The following NFIB variants were observed in gnomAD, a reference collection of about 807,000 sequenced individuals.
NFIB encodes the protein nuclear factor I B.
NFIB carries 11 observed loss-of-function variants against 61.5 expected under a neutral mutation model. The ratio of observed to expected loss-of-function variants is 0.18; its 90% CI spans 0.11 to 0.30. The LOEUF (loss-of-function observed/expected upper bound fraction) is 0.30. Among genes scored for constraint, NFIB ranks in the 10% least tolerant of loss-of-function variants. The pLI is 1.00. For missense variants in NFIB, 471 were observed against 608.9 expected, an observed-to-expected ratio of 0.77 and a Z score of 2.38; for synonymous variants, 260 against 216.5, an observed-to-expected ratio of 1.20 and a Z score of -1.76.
chr9:14,526,527 C>T, the NFIB span, among the ~76,000 whole-genome samples: 1 of 152,150 alleles, frequency 6.6e-6, no homozygotes, highest in Non-Finnish European at 1.5e-5. Context: ...CACTGAATAT[C>T]AATATCCTGA....
intron 10 of NFIB, among the ~76,000 whole-genome samples, chr9:14,088,885 T>G (rs922420173): frequency 6.6e-6 from 1 of 152,276 alleles, no homozygotes; most frequent in African/African-American, 2.4e-5. Context: ...GGTAGGCCCA[T>G]GCATAACATA....
chr9:14,169,968 C>T (rs1336445056), intron 3 of NFIB, among the ~76,000 whole-genome samples: 1 of 152,170 alleles, frequency 6.6e-6, no homozygotes, highest in African/African-American at 2.4e-5. Context: ...ATCCTTTAAT[C>T]CTATAAGGTA....
At chr9:14,124,185 T>C (rs1017132260) in intron 7 of NFIB, among the ~76,000 whole-genome samples, 2 of 152,190 alleles carry the variant, frequency 1.3e-5, no homozygotes, top group African/African-American at 2.4e-5. Context: ...TCCTGTTTCG[T>C]TATATAAAAA....
intron 2 of NFIB, among the ~76,000 whole-genome samples, chr9:14,202,128 T>TCACACACA (rs3080833): frequency 0.015 from 2,156 of 147,134 alleles, 26 homozygotes; most frequent in African/African-American, 0.03. Flanking sequence ...TTGATACTTT[T>TCACACACA]CACACACACA....
intron 3 of NFIB, among the ~76,000 whole-genome samples, chr9:14,161,815 A>T (rs2131279148): frequency 6.6e-6 from 1 of 152,286 alleles, no homozygotes; most frequent in East Asian, 1.9e-4. Flanking sequence ...TTACAGGGTC[A>T]AAGGACATAA....
the NFIB span, among the ~76,000 whole-genome samples, chr9:14,528,748 G>A: frequency 1.3e-5 from 2 of 152,122 alleles, no homozygotes; most frequent in East Asian, 3.9e-4. Context: ...GTCTCACAGA[G>A]AGCTTTAAAT....
chr9:14,435,520 G>T, the NFIB span, among the ~76,000 whole-genome samples: 1 of 152,150 alleles, frequency 6.6e-6, no homozygotes, highest in Non-Finnish European at 1.5e-5. Context: ...TACTTCATAG[G>T]ATTATTATGA....
chr9:14,297,918 A>C (rs1299742640), intron 2 of NFIB, among the ~76,000 whole-genome samples: 1 of 152,234 alleles, frequency 6.6e-6, no homozygotes, highest in African/African-American at 2.4e-5. Flanking sequence ...TCACTGCTTC[A>C]GAAGAGAAGA....
intron 2 of NFIB, among the ~76,000 whole-genome samples, chr9:14,230,809 G>C (rs1220239891): frequency 1.3e-5 from 2 of 152,024 alleles, no homozygotes; most frequent in African/African-American, 2.4e-5. Flanking sequence ...GTAAAATCCA[G>C]ATCAAACTGG....
At chr9:14,208,634 A>G (rs756882879) in intron 2 of NFIB, among the ~76,000 whole-genome samples, 6 of 151,852 alleles carry the variant, frequency 4.0e-5, no homozygotes, top group Admixed American at 2.6e-4. Context: ...TCCTATTCCA[A>G]TGACCATAAT....
chr9:14,338,164 G>T (rs1421681261), intron 1 of NFIB, among the ~76,000 whole-genome samples: 1 of 152,172 alleles, frequency 6.6e-6, no homozygotes, highest in Non-Finnish European at 1.5e-5. Context: ...GGAGGCCGAG[G>T]CAGGCGGATC....
chr9:14,180,862 C>T (rs2046688202), intron 2 of NFIB: 1 of 152,178 alleles, frequency 6.6e-6, no homozygotes, highest in African/African-American at 2.4e-5. Context: ...AGCCTCTTTG[C>T]TTGCCTAGAA....
the NFIB span, among the ~76,000 whole-genome samples, chr9:14,470,767 AAAG>A: frequency 1.3e-5 from 2 of 152,210 alleles, no homozygotes; most frequent in Non-Finnish European, 2.9e-5. Flanking sequence ...GAAACACCTA[AAAG>A]AAGACTGGAC....
At chr9:14,487,845 C>G in the NFIB span, among the ~76,000 whole-genome samples, 1 of 152,118 alleles carries the variant, frequency 6.6e-6, no homozygotes, top group Non-Finnish European at 1.5e-5. Context: ...AGTACATGCT[C>G]CAGACAGACG....
chr9:14,340,531 C>A (rs2060937532), intron 1 of NFIB, among the ~76,000 whole-genome samples: 1 of 152,278 alleles, frequency 6.6e-6, no homozygotes, highest in East Asian at 1.9e-4. Flanking sequence ...GGAGCCAACT[C>A]AGAGGATAAA....
intron 10 of NFIB, chr9:14,096,340 G>C (rs539744975): frequency 1.3e-5 from 2 of 152,302 alleles, no homozygotes; most frequent in African/African-American, 4.8e-5. Flanking sequence ...GTAAGATTAA[G>C]TTTGTCCTAC....
chr9:14,128,808 A>G (rs981178449), intron 6 of NFIB, among the ~76,000 whole-genome samples: 6 of 152,146 alleles, frequency 3.9e-5, no homozygotes, highest in Non-Finnish European at 7.4e-5. Flanking sequence ...CAACTACTGT[A>G]ACTATATCAG....
At chr9:14,215,375 A>C (rs1214119047) in intron 2 of NFIB, among the ~76,000 whole-genome samples, 2 of 143,278 alleles carry the variant, frequency 1.4e-5, no homozygotes, top group South Asian at 4.1e-4. Context: ...GCATATACTA[A>C]GACTATGTTA....
chr9:14,489,131 G>A, the NFIB span, among the ~76,000 whole-genome samples: 1 of 152,168 alleles, frequency 6.6e-6, no homozygotes, highest in Non-Finnish European at 1.5e-5. Flanking sequence ...AGGTAAGTGA[G>A]GAATTGCCTC....
Sources: gnomAD v4.1 joint callset for allele counts (sites outside exome capture counted in the v4.1 genomes callset) on GRCh38, gnomAD v4.1.1 for gene constraint, MANE v1.5 for transcripts, NCBI Gene and HGNC (gene_info 2026-07-23, HGNC 2026-07-21) for gene names.